The following ISCU variants were observed in gnomAD, a reference collection of about 807,000 sequenced individuals.
ISCU encodes the protein iron-sulfur cluster assembly enzyme ISCU.
Under a neutral mutation model 18.4 loss-of-function variants are expected in ISCU, and 13 were observed. The observed-to-expected ratio is 0.71, with a 90% CI of 0.46 to 1.12. The LOEUF is 1.12. Among genes scored for constraint, ISCU ranks in the 50% most tolerant of loss-of-function variants. The probability of loss-of-function intolerance (pLI) is 0.00; values close to 1 mark genes in which losing one functional copy is unlikely to be tolerated. For synonymous variants in ISCU, 104 were observed against 87.5 expected, an observed-to-expected ratio of 1.19 and a Z score of -1.06; for missense variants, 229 against 208.7, an observed-to-expected ratio of 1.10 and a Z score of -0.60.
chr12:108,566,943 G>T (rs926009100), intron 3 of ISCU, among the ~76,000 whole-genome samples: 17 of 152,214 alleles, frequency 1.1e-4, no homozygotes, highest in Non-Finnish European at 4.4e-5. Context: ...TCCTGACTTA[G>T]AGAAGTGTCT....
intron 2 of ISCU, among the ~76,000 whole-genome samples, chr12:108,564,808 T>C (rs1314977928): frequency 6.6e-6 from 1 of 152,252 alleles, no homozygotes; most frequent in Non-Finnish European, 1.5e-5. Context: ...TCTAGTGCTT[T>C]GGGTAAACTG....
intron 4 of ISCU, 122 bp downstream of exon 4, chr12:108,567,390 G>A (rs921286277): frequency 1.4e-5 from 12 of 856,296 alleles, no homozygotes; most frequent in Admixed American, 9.3e-5. Context: ...GAGCTCATGA[G>A]TCTGTCCTTA....
intron 4 of ISCU, chr12:108,567,817 A>G (rs1412213863): frequency 3.3e-6 from 5 of 1,522,414 alleles, no homozygotes; most frequent in Non-Finnish European, 4.4e-6. Context: ...CCTCCCTGCT[A>G]TCCTAAAAAA....
upstream of ISCU, among the ~76,000 whole-genome samples, chr12:108,561,968 G>A (rs934462243): frequency 2.0e-5 from 3 of 152,152 alleles, no homozygotes; most frequent in Non-Finnish European, 4.4e-5. Flanking sequence ...TAATGGGCAG[G>A]AATTATGTCT....
upstream of ISCU, among the ~76,000 whole-genome samples, chr12:108,562,339 A>C (rs1245893560): frequency 1.5e-5 from 2 of 134,232 alleles, no homozygotes; most frequent in African/African-American, 5.2e-5. Context: ...GTGAAAGCGA[A>C]CTTGAGCCCC....
intron 1 of ISCU, chr12:108,563,881 G>T: frequency 1.6e-6 from 1 of 617,624 alleles, no homozygotes; most frequent in Non-Finnish European, 2.9e-6. Context: ...CCCTCCCTGG[G>T]CCATGGTTAT....
At chr12:108,566,486 G>T (rs149877853) in intron 3 of ISCU, among the ~76,000 whole-genome samples, 87 of 152,356 alleles carry the variant, frequency 5.7e-4, no homozygotes, top group African/African-American at 1.8e-3. Flanking sequence ...ACCAAGAAGG[G>T]TTAGCAGAAT....
At chr12:108,567,016 C>T (rs530451398) in intron 3 of ISCU, among the ~76,000 whole-genome samples, 174 bp from the exon 4 acceptor site, 33 of 152,332 alleles carry the variant, frequency 2.2e-4, no homozygotes, top group African/African-American at 7.9e-4. Context: ...TTGAGAATCC[C>T]AGCTGCAGCT....
chr12:108,567,568 A>C (rs1418694353), intron 4 of ISCU: 2 of 1,040,252 alleles, frequency 1.9e-6, no homozygotes, highest in African/African-American at 1.6e-5. Context: ...CCTCTTATGG[A>C]TGAGGAAGCT....
chr12:108,562,208 T>A (rs2030603386), upstream of ISCU, among the ~76,000 whole-genome samples: 1 of 152,184 alleles, frequency 6.6e-6, no homozygotes, highest in Non-Finnish European at 1.5e-5. Flanking sequence ...TGAACATAAG[T>A]CCTTAGCGAC....
Position 108,562,702 on chromosome 12 carries a change from A to G in ISCU, c.80A>G (p.Glu27Gly), listed in dbSNP as rs567636479. Reference sequence around the variant, plus strand: ...CGGAGCCCCCGCCTGCCCGCCCGGGAGCTGTCGGCCCCGGCCCGACTCTAT... The same window carrying G: ...CGGAGCCCCCGCCTGCCCGCCCGGGGGCTGTCGGCCCCGGCCCGACTCTAT... Reference protein sequence around the residue: ...LLRSPRLPARELSAPARLYHK... With the variant: ...LLRSPRLPARGLSAPARLYHK... The change falls in exon 1 of 5, where the codon GAG becomes GGG. Residue 27 changes from glutamate to glycine, a missense_variant. By Grantham distance (98) the Glu-to-Gly change is moderately conservative (BLOSUM62 -2). Coordinates refer to ENST00000311893, the MANE Select transcript of ISCU (RefSeq NM_213595.4). 12 of 1,488,350 alleles carry G rather than the reference A, an allele frequency of 8.1e-6. No individual in the cohort carries two copies. The highest frequency in any genetic ancestry group is 1.5e-5 in the African/African-American group (1 of 68,552). The allele number at this position is 1,488,350 out of a possible 1,614,324, so 92.2% of individuals were successfully genotyped here. A position where few individuals can be genotyped will look rare whatever the true frequency, so the allele number is the denominator to read the frequency against.
intron 1 of ISCU, chr12:108,563,848 C>G: frequency 1.8e-6 from 1 of 571,182 alleles, no homozygotes; most frequent in South Asian, 2.0e-5. Context: ...TAACAGTCAC[C>G]TTAAGGCTTC....
At chr12:108,566,740 T>TA (rs2136718026) in intron 3 of ISCU, among the ~76,000 whole-genome samples, 1 of 152,340 alleles carries the variant, frequency 6.6e-6, no homozygotes, top group East Asian at 1.9e-4. Context: ...CTGTGCTACT[T>TA]ACCTGAAATC....
Position 108,565,449 on chromosome 12 carries a change from T to C in ISCU, c.339+18T>C. On this transcript the variant is annotated intron_variant, in intron 3 of 4. Coordinates refer to ENST00000311893, the MANE Select transcript of ISCU (RefSeq NM_213595.4). ...GAAAGACGGTAAGGTGGCTCACAAA[T>C]CTAATGGGTCAAAAACAAGTAACCA... The C allele has an allele frequency of 6.6e-7, 1 of 1,503,844 alleles. No homozygotes were observed. The allele number at this position is 1,503,844 out of a possible 1,614,324, so 93.2% of individuals were successfully genotyped here.
intron 1 of ISCU, chr12:108,563,375 C>G (rs988270205): frequency 6.5e-6 from 1 of 153,170 alleles, no homozygotes; most frequent in African/African-American, 2.4e-5. Context: ...TCTGGTGGCA[C>G]AAAGTCCCCC....
chr12:108,568,050 GC>G, intron 4 of ISCU: 1 of 1,482,352 alleles, frequency 6.7e-7, no homozygotes, highest in Non-Finnish European at 8.9e-7. Context: ...AGGTGCCGGG[GC>G]AGACACACTA....
At chr12:108,562,816 G>T in intron 1 of ISCU, 80 bp downstream of exon 1, 1 of 793,276 alleles carries the variant, frequency 1.3e-6, no homozygotes, top group Non-Finnish European at 1.8e-6. Context: ...GTTCTGCGCA[G>T]CTAGGACTGG....
At chr12:108,562,398 G>A (rs978056444), upstream of ISCU, among the ~76,000 whole-genome samples, 1 of 152,272 alleles carries the variant, frequency 6.6e-6, no homozygotes, top group Non-Finnish European at 1.5e-5. Context: ...CCAGCACCCA[G>A]GACAAGCCCT....
intron 1 of ISCU, chr12:108,563,979 T>C: frequency 4.6e-6 from 4 of 874,178 alleles, no homozygotes; most frequent in Non-Finnish European, 5.9e-6. Context: ...AGTCTGGTGA[T>C]GTAGGTGGGT....
Sources: gnomAD v4.1 joint callset for allele counts (sites outside exome capture counted in the v4.1 genomes callset) on GRCh38, gnomAD v4.1.1 for gene constraint, MANE v1.5 for transcripts, NCBI Gene and HGNC (gene_info 2026-07-23, HGNC 2026-07-21) for gene names.